Variants in NAV1 observed in about 807,000 individuals in gnomAD.
The protein encoded by NAV1 is pore membrane and/or filament interacting like protein 3.
A neutral mutation model predicts 175.2 loss-of-function variants in NAV1; 18 were observed. The ratio of observed to expected loss-of-function variants is 0.10; its 90% CI spans 0.07 to 0.15. The LOEUF is 0.15. Among genes scored for constraint, NAV1 ranks in the 10% least tolerant of loss-of-function variants. NAV1 has a pLI of 1.00. For missense variants in NAV1, 1,731 were observed against 2,436.6 expected (o/e 0.71, Z 6.10); for synonymous variants, 897 against 978.7 (o/e 0.92, Z 1.56).
intron 15 of NAV1, chr1:201,795,405 T>C (rs1355226678): frequency 1.3e-5 from 2 of 152,282 alleles, no homozygotes; most frequent in Admixed American, 1.3e-4. Flanking sequence ...GCTTATCTAA[T>C]GTTTTGGGAT....
intron 3 of NAV1, among the ~76,000 whole-genome samples, chr1:201,731,304 G>A (rs1260365781): frequency 2.6e-5 from 4 of 152,090 alleles, no homozygotes; most frequent in African/African-American, 4.8e-5. Context: ...GAGGCTGTGT[G>A]TGCACAAGAT....
rs1275886483 is a variant in NAV1 at position 201,782,408 on chromosome 1, G to A, written c.1896G>A (p.Gln632=). The change falls in exon 6 of 30, where the codon CAG becomes CAA. Residue 632 remains glutamine (Q), a synonymous_variant. Transcript: ENST00000367296. The surrounding 1 kb of genome is among the most constrained non-coding windows in gnomAD (Gnocchi z 5.4). Reference sequence around the variant, plus strand: ...GTTCAGCCACTCTCAGCAAGATCCAGAAGTCCTCAGGCATCCCTGTCAAGC... The same window carrying A: ...GTTCAGCCACTCTCAGCAAGATCCAAAAGTCCTCAGGCATCCCTGTCAAGC... 3.7e-6 allele frequency: 6 copies of A among 1,614,034 alleles called. No homozygotes were observed. The highest frequency in any genetic ancestry group is 5.1e-6 in the Non-Finnish European group (6 of 1,179,996).
At chr1:201,542,389 G>A (rs1020032672) in intron 1 of NAV1, among the ~76,000 whole-genome samples, 8 of 152,044 alleles carry the variant, frequency 5.3e-5, no homozygotes, top group Non-Finnish European at 8.8e-5. Flanking sequence ...CAAACACTTC[G>A]TCTTTCTGGC....
chr1:201,614,877 T>G (rs1445122309), intron 2 of NAV1, among the ~76,000 whole-genome samples: 2 of 152,204 alleles, frequency 1.3e-5, no homozygotes, highest in Non-Finnish European at 2.9e-5. Flanking sequence ...GTGGGAATGA[T>G]AATAATAGCA....
chr1:201,712,731 A>G, intron 1 of NAV1, 86 bp from the exon 6 acceptor site: 1 of 903,162 alleles, frequency 1.1e-6, no homozygotes. Flanking sequence ...CCTCCTGGGG[A>G]CACTGTCAAT....
upstream of NAV1, among the ~76,000 whole-genome samples, chr1:201,643,569 C>T (rs929876594): frequency 9.2e-5 from 14 of 151,896 alleles, no homozygotes; most frequent in African/African-American, 3.1e-4. Context: ...GTGCCACTAT[C>T]GCCCAGCTAA....
At chr1:201,598,607 C>T (rs866157789) in intron 2 of NAV1, among the ~76,000 whole-genome samples, 40 of 152,208 alleles carry the variant, frequency 2.6e-4, no homozygotes, top group Admixed American at 1.4e-3. Context: ...GGATGTGCTT[C>T]GCCTGGAATA....
rs778690179 is a variant in NAV1, at chr1:201,788,527, G to A, written c.3055G>A (p.Glu1019Lys). Residue 1019 changes from glutamate to lysine, a missense_variant, in exon 10 of 30, where the codon GAG becomes AAG. Physicochemically the swap from Glu to Lys is moderately conservative, Grantham distance 56. Around this residue, in one of 13 missense-constraint regions of NAV1, gnomAD observed 634 missense variants for 766.8 expected, o/e 0.83. Transcript: ENST00000367296. This position sits in a 1 kb window ranked among gnomAD's most constrained non-coding sequence, Gnocchi z 5.7. ...CCGCTCCAACAGCATCCCCACCCAC[G>A]AGGCGGCCTTCGAGCTGTACAGCGG... The A allele has an allele frequency of 3.1e-6, 5 of 1,614,052 alleles. No individual in the cohort carries two copies. Among genetic ancestry groups the A allele is most frequent in the Non-Finnish European group, 4.2e-6 (5 of 1,179,992 alleles).
intron 2 of NAV1, among the ~76,000 whole-genome samples, chr1:201,631,955 G>T (rs1006125327): frequency 2.0e-5 from 3 of 152,126 alleles, no homozygotes; most frequent in African/African-American, 7.2e-5. Context: ...TTGAATGAAT[G>T]AGTAAGGAAT....
chr1:201,679,151 A>G (rs1670372359), intron 1 of NAV1, among the ~76,000 whole-genome samples: 1 of 152,156 alleles, frequency 6.6e-6, no homozygotes, highest in South Asian at 2.1e-4. Flanking sequence ...AGAGGCCACA[A>G]TTAAGGCAGA....
At position 201,760,836 on chromosome 1, in the gene NAV1, G is replaced by A. The variant is rs145532481; in HGVS notation, c.1227-19585G>A. Reference sequence around the variant, plus strand: ...ACATGCTCAAGCCTCTGGACCTAGAGAGGCACTTCTCTCTAACTAACATGG... The same window carrying A: ...ACATGCTCAAGCCTCTGGACCTAGAAAGGCACTTCTCTCTAACTAACATGG... On this transcript the variant is annotated intron_variant, in intron 3 of 29. Coordinates refer to ENST00000367296, the Ensembl canonical transcript of NAV1. 4.5e-4 allele frequency among the ~76,000 whole-genome samples: 69 copies of A among 152,292 alleles called. No individual in the cohort carries two copies. The East Asian group carries it at 0.012, about 26-fold the overall frequency.
At position 201,539,436 on chromosome 1, in the gene NAV1, C is replaced by G. The variant is rs1340320057; in HGVS notation, c.-144+94C>G. On this transcript the variant is annotated intron_variant, in intron 1 of 33. Coordinates refer to the NAV1 transcript ENST00000685211. The surrounding 1 kb of genome is among the most constrained non-coding windows in gnomAD (Gnocchi z 5.6). Reference sequence around the variant, plus strand: ...GCTTGGCTGGCAGGTCCTGCGAGGCCGAGACCAAGTCTCGGGGTAGGGGAG... The same window carrying G: ...GCTTGGCTGGCAGGTCCTGCGAGGCGGAGACCAAGTCTCGGGGTAGGGGAG... Among the ~76,000 whole-genome samples the G allele has an allele frequency of 6.6e-6, 1 of 151,938 alleles. No homozygotes were observed. The highest frequency in any genetic ancestry group is 2.4e-5 in the African/African-American group (1 of 41,386).
In NAV1 at chr1:201,679,971, G is replaced by C. The variant is rs571818862; in HGVS notation, c.757+30546G>C. 1.8e-4 allele frequency among the ~76,000 whole-genome samples: 27 copies of C among 152,296 alleles called. No individual in the cohort carries two copies. The South Asian group carries it at 5.4e-3, about 30-fold the overall frequency. ...CATGGGAGTGTTTATCTTATACTCT[G>C]AGTTATAATTCAGTACTATGTATGT... is the stretch of plus-strand genomic sequence containing the variant. On this transcript the variant is annotated intron_variant, in intron 1 of 29. Coordinates refer to ENST00000367296, the Ensembl canonical transcript of NAV1.
chr1:201,582,176 A>G (rs1297439330), intron 1 of NAV1, among the ~76,000 whole-genome samples: 1 of 152,232 alleles, frequency 6.6e-6, no homozygotes. Context: ...GACACCACAA[A>G]TGAGACTGAG....
chr1:201,781,302 A>C, exon 5 of NAV1: 1 of 1,607,680 alleles, frequency 6.2e-7, no homozygotes, highest in Non-Finnish European at 8.5e-7. Context: ...GTGCCCTCAA[A>C]GTCGCAGGTG....
In NAV1 at chr1:201,810,741, C is replaced by T; in HGVS notation, c.4780C>T (p.His1594Tyr). Residue 1594 changes from histidine (H) to tyrosine (Y), a missense_variant, in exon 24 of 30, where the codon CAC (histidine) becomes TAC (tyrosine). Transcript: ENST00000367296. The surrounding 1 kb of genome is among the most constrained non-coding windows in gnomAD (Gnocchi z 6.0). ...GGGCATCGTCAGCACCTTCAACATG[C>T]ACCAGCAGTCTTGCAAGGTGGCTGC... The T allele has an allele frequency of 6.2e-7, 1 of 1,613,924 alleles. No homozygotes were observed. Among genetic ancestry groups the T allele is most frequent in the Non-Finnish European group, 8.5e-7 (1 of 1,179,848 alleles).
intron 2 of NAV1, among the ~76,000 whole-genome samples, chr1:201,593,728 A>G (rs879622645): frequency 6.6e-6 from 1 of 152,178 alleles, no homozygotes; most frequent in Non-Finnish European, 1.5e-5. Context: ...GTCTGAGTAC[A>G]TATTCTTTTT....
At chr1:201,585,521 A>G (rs1456085292) in intron 1 of NAV1, among the ~76,000 whole-genome samples, 4 of 152,200 alleles carry the variant, frequency 2.6e-5, no homozygotes, top group African/African-American at 9.6e-5. Context: ...GAGAAAGTGA[A>G]AAGACAACCC....
intron 1 of NAV1, among the ~76,000 whole-genome samples, chr1:201,704,342 G>A (rs1218459792): frequency 3.3e-5 from 5 of 152,210 alleles, no homozygotes; most frequent in East Asian, 3.9e-4. Flanking sequence ...CGCTGCAGTC[G>A]CAGCAAGGCC....
Sources: allele counts gnomAD v4.1 joint callset (sites outside exome capture counted in the v4.1 genomes callset), GRCh38; gene constraint gnomAD v4.1.1; regional missense constraint gnomAD v4.1.1; non-coding constraint Gnocchi (gnomAD v3.1); transcripts MANE v1.5; gene names NCBI Gene and HGNC (gene_info 2026-07-23, HGNC 2026-07-21).